Variants in ARK2C observed in about 807,000 individuals in gnomAD.
ARK2C encodes the protein arkadia (RNF111) C-terminal like ring finger ubiquitin ligase 2C, also known as E3 ubiquitin-protein ligase ARK2C.
the ARK2C span, among the ~76,000 whole-genome samples, chr18:46,426,769 C>T: frequency 6.6e-6 from 1 of 152,202 alleles, no homozygotes; most frequent in Admixed American, 6.5e-5. Context: ...TATTATTTAG[C>T]TCATAATGGG....
the ARK2C span, chr18:46,450,366 G>A: frequency 1.5e-5 from 24 of 1,614,026 alleles, no homozygotes; most frequent in South Asian, 2.4e-4. Context: ...CTAAATCCCA[G>A]CAGACACACC....
the ARK2C span, chr18:46,456,090 C>A: frequency 6.5e-6 from 10 of 1,533,256 alleles, no homozygotes; most frequent in South Asian, 1.1e-4. Context: ...GGTAGGAGAC[C>A]GCCATTTTGA....
chr18:46,437,128 G>A, the ARK2C span, among the ~76,000 whole-genome samples: 2 of 139,932 alleles, frequency 1.4e-5, no homozygotes, highest in East Asian at 2.0e-4. Flanking sequence ...AGGAGGCTCC[G>A]GGAGGCTGGT....
the ARK2C span, among the ~76,000 whole-genome samples, chr18:46,373,740 G>A: frequency 6.6e-6 from 1 of 152,158 alleles, no homozygotes; most frequent in African/African-American, 2.4e-5. Context: ...CTGCAGGTGT[G>A]GGGGGAATTG....
the ARK2C span, among the ~76,000 whole-genome samples, chr18:46,406,263 G>A: frequency 6.6e-6 from 1 of 152,194 alleles, no homozygotes; most frequent in Non-Finnish European, 1.5e-5. Context: ...CCCAGAGAGT[G>A]GCCACTGTCA....
chr18:46,418,341 G>A, the ARK2C span, among the ~76,000 whole-genome samples: 1 of 151,888 alleles, frequency 6.6e-6, no homozygotes, highest in Non-Finnish European at 1.5e-5. Context: ...TGAGTGACAG[G>A]GCAAGACACT....
chr18:46,374,885 G>A, the ARK2C span, among the ~76,000 whole-genome samples: 1 of 152,202 alleles, frequency 6.6e-6, no homozygotes, highest in African/African-American at 2.4e-5. Flanking sequence ...GGTCATGAGT[G>A]AGAAGCCCCT....
At chr18:46,414,108 G>A in the ARK2C span, among the ~76,000 whole-genome samples, 1 of 152,192 alleles carries the variant, frequency 6.6e-6, no homozygotes, top group Non-Finnish European at 1.5e-5. Flanking sequence ...CCTTCTGGAG[G>A]TAGAGATGGC....
At chr18:46,432,567 G>A in the ARK2C span, among the ~76,000 whole-genome samples, 2 of 152,294 alleles carry the variant, frequency 1.3e-5, no homozygotes, top group South Asian at 2.1e-4. Flanking sequence ...CAGTGGGCTT[G>A]CATAGGAGTC....
At chr18:46,392,779 G>A in the ARK2C span, among the ~76,000 whole-genome samples, 35 of 152,272 alleles carry the variant, frequency 2.3e-4, no homozygotes, top group Admixed American at 1.2e-3. Flanking sequence ...CCCGGACGGG[G>A]CCTGTGTGAG....
the ARK2C span, among the ~76,000 whole-genome samples, chr18:46,455,372 A>G: frequency 2.0e-5 from 3 of 152,160 alleles, no homozygotes; most frequent in Non-Finnish European, 4.4e-5. Context: ...CAGAAAAGGG[A>G]AACTGTGCAC....
the ARK2C span, among the ~76,000 whole-genome samples, chr18:46,429,053 C>A: frequency 6.6e-6 from 1 of 152,104 alleles, no homozygotes; most frequent in African/African-American, 2.4e-5. Context: ...GATGGTAGAC[C>A]ATGGAGTGAA....
At chr18:46,355,651 C>T in the ARK2C span, among the ~76,000 whole-genome samples, 2,055 of 152,292 alleles carry the variant, frequency 0.013, 48 homozygotes, top group African/African-American at 0.047. Context: ...CTTCTTGCTC[C>T]TCCAGCAGCC....
At chr18:46,437,712 A>G in the ARK2C span, among the ~76,000 whole-genome samples, 16 of 152,314 alleles carry the variant, frequency 1.1e-4, no homozygotes, top group East Asian at 5.8e-4. Flanking sequence ...CCCATGCCTA[A>G]TAACTTGATC....
chr18:46,375,575 T>C, the ARK2C span, among the ~76,000 whole-genome samples: 1 of 148,760 alleles, frequency 6.7e-6, no homozygotes, highest in Non-Finnish European at 1.5e-5. Flanking sequence ...ATAATAATAA[T>C]AATAATAATA....
At chr18:46,336,504 A>C in the ARK2C span, 1 of 985,484 alleles carries the variant, frequency 1.0e-6, no homozygotes, top group Non-Finnish European at 1.2e-6. Context: ...AATTTCGCAG[A>C]ATGTGATAAG....
At chr18:46,431,141 G>A in the ARK2C span, among the ~76,000 whole-genome samples, 1 of 152,172 alleles carries the variant, frequency 6.6e-6, no homozygotes, top group Admixed American at 6.5e-5. Flanking sequence ...AGAGCATGCG[G>A]TGTTTGGTTT....
the ARK2C span, among the ~76,000 whole-genome samples, chr18:46,392,272 T>C: frequency 2.0e-5 from 3 of 152,204 alleles, no homozygotes; most frequent in Non-Finnish European, 4.4e-5. Context: ...TAGATCCGCC[T>C]CTTGCCCAAA....
At chr18:46,401,944 A>T in the ARK2C span, among the ~76,000 whole-genome samples, 1 of 152,202 alleles carries the variant, frequency 6.6e-6, no homozygotes. Context: ...CACAGAAAAA[A>T]AATTAAACAC....
Sources: allele counts gnomAD v4.1 joint callset (sites outside exome capture counted in the v4.1 genomes callset), GRCh38; gene constraint gnomAD v4.1.1; transcripts MANE v1.5; gene names NCBI Gene and HGNC (gene_info 2026-07-23, HGNC 2026-07-21).